ISM1: variants seen among roughly 807,000 people sequenced by gnomAD.
ISM1 encodes the protein isthmin 1.
In ISM1, 25 loss-of-function variants were observed where a neutral mutation model predicts 46.3. That is an observed-to-expected ratio of 0.54 (90% confidence interval 0.39 to 0.75). The LOEUF (loss-of-function observed/expected upper bound fraction) is 0.75. Ranked by LOEUF, ISM1 falls within the 30% of genes least tolerant of loss-of-function variation. The pLI, the probability that ISM1 is intolerant of heterozygous loss-of-function variation, is 0.00. For synonymous variants in ISM1, 255 were observed against 256.7 expected, an observed-to-expected ratio of 0.99 and a Z score of 0.06; for missense variants, 536 against 625.4, an observed-to-expected ratio of 0.86 and a Z score of 1.52.
rs1011687740 is a variant in ISM1 at position 13,300,639 on chromosome 20, A to G, written c.*1180A>G. ...GTAAAAGAGAGTATATAATAAAATC[A>G]TAATAAAAGGTGTTACCTGCATCCT... On this transcript the variant is annotated 3_prime_UTR_variant, in exon 6 of 6. Coordinates refer to ENST00000262487, the MANE Select transcript of ISM1 (RefSeq NM_080826.2). 1.3e-5 allele frequency: 2 copies of G among 152,246 alleles called. No homozygotes were observed. The highest frequency in any genetic ancestry group is 2.9e-5 in the Non-Finnish European group (2 of 68,052). 9.4% of individuals were successfully genotyped at this position (152,246 alleles called of 1,614,324 possible).
In ISM1 at chr20:13,276,601, T is replaced by C. The variant is rs1043343952; in HGVS notation, c.379-3033T>C. On this transcript the variant is annotated intron_variant, in intron 2 of 5. Transcript: ENST00000262487. ...TGAAAAAGTCCAGAAGAAAAAAATA[T>C]ACTAAGACACTTCAATTATGTGTGT... Among the ~76,000 whole-genome samples, 6 of 152,336 alleles carry C rather than the reference T, an allele frequency of 3.9e-5. No individual in the cohort carries two copies. The East Asian group carries it at 7.7e-4, about 20-fold the overall frequency.
intron 1 of ISM1, among the ~76,000 whole-genome samples, chr20:13,253,898 C>T (rs2039896613): frequency 1.3e-5 from 2 of 151,410 alleles, no homozygotes. Flanking sequence ...TATGTTTATA[C>T]ACACACATAA....
intron 1 of ISM1, among the ~76,000 whole-genome samples, chr20:13,253,756 C>A (rs2039893022): frequency 6.6e-6 from 1 of 152,014 alleles, no homozygotes; most frequent in Non-Finnish European, 1.5e-5. Context: ...AACTCAGTAT[C>A]ATTATCAGTT....
At chr20:13,291,443 T>A (rs988900285) in intron 4 of ISM1, among the ~76,000 whole-genome samples, 5 of 152,222 alleles carry the variant, frequency 3.3e-5, no homozygotes. Flanking sequence ...CAAATAAGTT[T>A]GAGGTGCCTC....
the ISM1 span, among the ~76,000 whole-genome samples, chr20:13,316,505 C>G: frequency 6.6e-6 from 1 of 151,856 alleles, no homozygotes; most frequent in Non-Finnish European, 1.5e-5. Flanking sequence ...TACTGACCAA[C>G]ATATCTCATG....
At chr20:13,302,082 A>G (rs1218884959), downstream of ISM1, among the ~76,000 whole-genome samples, 4 of 152,244 alleles carry the variant, frequency 2.6e-5, no homozygotes, top group Non-Finnish European at 5.9e-5. Flanking sequence ...GCAGAGGAAC[A>G]AGAGTGGCAA....
At chr20:13,292,353 T>C in intron 4 of ISM1, 21 bp from the exon 5 acceptor site, 1 of 1,510,462 alleles carries the variant, frequency 6.6e-7, no homozygotes, top group Non-Finnish European at 9.1e-7. Flanking sequence ...GATGGAAAAA[T>C]GAGCTCTTGT....
chr20:13,260,201 C>T (rs532448350), intron 1 of ISM1, among the ~76,000 whole-genome samples: 2 of 152,330 alleles, frequency 1.3e-5, no homozygotes, highest in East Asian at 3.9e-4. Context: ...TCACCTCTGG[C>T]CATATGTGGC....
intron 3 of ISM1, among the ~76,000 whole-genome samples, chr20:13,283,498 A>T (rs1222457924): frequency 6.6e-6 from 1 of 152,236 alleles, no homozygotes; most frequent in Non-Finnish European, 1.5e-5. Flanking sequence ...GGTGAAATAC[A>T]TGTAGGATAC....
the ISM1 span, among the ~76,000 whole-genome samples, chr20:13,315,014 TA>T: frequency 9.9e-5 from 15 of 151,542 alleles, 1 homozygote; most frequent in East Asian, 2.7e-3. Flanking sequence ...GAGCAACTGC[TA>T]AAAAAAAGTT....
the ISM1 span, among the ~76,000 whole-genome samples, chr20:13,317,283 T>C: frequency 6.7e-6 from 1 of 149,434 alleles, no homozygotes; most frequent in African/African-American, 2.4e-5. Flanking sequence ...TACAAATCTC[T>C]GATGAGAGAA....
chr20:13,324,004 T>C, the ISM1 span, among the ~76,000 whole-genome samples: 1 of 152,230 alleles, frequency 6.6e-6, no homozygotes, highest in African/African-American at 2.4e-5. Context: ...AGAAATGTTA[T>C]CTATCTCCCT....
chr20:13,281,939 A>G (rs1445467331), intron 3 of ISM1, among the ~76,000 whole-genome samples: 1 of 152,190 alleles, frequency 6.6e-6, no homozygotes. Context: ...AGTAGTCCTC[A>G]AAGTGTGGCC....
chr20:13,253,065 G>A (rs1393683758), intron 1 of ISM1, among the ~76,000 whole-genome samples: 1 of 152,204 alleles, frequency 6.6e-6, no homozygotes, highest in East Asian at 1.9e-4. Context: ...CAGACACACA[G>A]CGAGGGAGAA....
At chr20:13,272,475 G>A (rs1453173804) in intron 2 of ISM1, among the ~76,000 whole-genome samples, 2 of 152,226 alleles carry the variant, frequency 1.3e-5, no homozygotes, top group African/African-American at 2.4e-5. Context: ...AAACAGTGCT[G>A]GAGGGATCAT....
chr20:13,262,926 C>T (rs568305656), intron 1 of ISM1, among the ~76,000 whole-genome samples: 2 of 152,262 alleles, frequency 1.3e-5, no homozygotes, highest in South Asian at 2.1e-4. Context: ...TACATTCTGC[C>T]GCCATAACTA....
In ISM1 at chr20:13,221,468, C is replaced by G. The variant is rs934262997; in HGVS notation, c.-309C>G. On this transcript the variant is annotated 5_prime_UTR_variant, in exon 1 of 6. Coordinates refer to ENST00000262487, the MANE Select transcript of ISM1 (RefSeq NM_080826.2). The stretch of plus-strand genomic sequence containing the variant: ...CTGTCCCGGGACCCAGTCTCCGTCT[C>G]CGCCGCCGCCGCCGCCAGGCAGCGC... Among the ~76,000 whole-genome samples the G allele has an allele frequency of 1.4e-5, 2 of 145,564 alleles. No homozygotes were observed. Among genetic ancestry groups the G allele is most frequent in the African/African-American group, 2.5e-5 (1 of 40,422 alleles).
At chr20:13,237,139 C>T (rs996947967) in intron 1 of ISM1, among the ~76,000 whole-genome samples, 2 of 152,178 alleles carry the variant, frequency 1.3e-5, no homozygotes, top group African/African-American at 2.4e-5. Context: ...GAAGTCCCTC[C>T]CACAACACAT....
Position 13,279,746 on chromosome 20 carries a change from G to A in ISM1, c.491G>A (p.Arg164Lys). 2 of 1,613,988 alleles carry A rather than the reference G, an allele frequency of 1.2e-6. No homozygotes were observed. The highest frequency in any genetic ancestry group is 3.3e-4 in the Middle Eastern group (2 of 6,062). The change falls in exon 3 of 6, where the codon AGG (arginine) becomes AAG (lysine). Residue 164 changes from arginine (R) to lysine (K), a missense_variant. Arg to Lys is a conservative substitution (Grantham distance 26, BLOSUM62 2). Transcript: ENST00000262487. Reference sequence around the variant, plus strand: ...CCCGACTGGCGGGCCTGGTGGCAGAGGTCCCTGTCCTTGGCCAGGGCAAAC... The same window carrying A: ...CCCGACTGGCGGGCCTGGTGGCAGAAGTCCCTGTCCTTGGCCAGGGCAAAC... The part of the protein sequence containing the change: ...PSPDWRAWWQ[R>K]SLSLARANSG...
Sources: gnomAD v4.1 joint callset for allele counts (sites outside exome capture counted in the v4.1 genomes callset) on GRCh38, gnomAD v4.1.1 for gene constraint, MANE v1.5 for transcripts, NCBI Gene and HGNC (gene_info 2026-07-23, HGNC 2026-07-21) for gene names.